ITPR2: variants seen among roughly 807,000 people sequenced by gnomAD.
The protein encoded by ITPR2 is inositol 1,4,5-trisphosphate-gated calcium channel ITPR2.
Under a neutral mutation model 317.1 loss-of-function variants are expected in ITPR2, and 207 were observed. The ratio of observed to expected loss-of-function variants is 0.65; its 90% CI spans 0.58 to 0.73. The LOEUF is 0.73. Ranked by LOEUF, ITPR2 falls within the 30% of genes least tolerant of loss-of-function variation. The pLI is 0.00. For synonymous variants in ITPR2, 1,156 were observed against 1,149.1 expected, an observed-to-expected ratio of 1.01 and a Z score of -0.12; for missense variants, 2,613 against 3,284.0, an observed-to-expected ratio of 0.80 and a Z score of 4.99.
intron 52 of ITPR2, among the ~76,000 whole-genome samples, chr12:26,410,039 G>C (rs2136668234): frequency 6.6e-6 from 1 of 152,292 alleles, no homozygotes; most frequent in Non-Finnish European, 1.5e-5. Flanking sequence ...TCAAGAGTGT[G>C]ATGTGGTTCT....
At chr12:26,696,110 TG>T (rs1301370142) in intron 9 of ITPR2, among the ~76,000 whole-genome samples, 1 of 152,160 alleles carries the variant, frequency 6.6e-6, no homozygotes, top group African/African-American at 2.4e-5. Flanking sequence ...ATATAAGATA[TG>T]TGAGCAAATA....
At position 26,569,533 on chromosome 12, in the gene ITPR2, C is replaced by T. The variant is rs553743707; in HGVS notation, c.4631-7581G>A. Among the ~76,000 whole-genome samples the T allele has an allele frequency of 6.6e-4, 92 of 138,360 alleles. 1 individual carries two copies. In the East Asian group the frequency reaches 0.016, roughly 24 times the overall value. 90.8% of individuals were successfully genotyped at this position (138,360 alleles called of 152,430 possible). A position where few individuals can be genotyped will look rare whatever the true frequency, so the allele number is the denominator to read the frequency against. On this transcript the variant is annotated intron_variant, in intron 34 of 56. Coordinates refer to ENST00000381340, the MANE Select transcript of ITPR2 (RefSeq NM_002223.4). ...TCATGCCACTGCACTCCACCCTGGGCGACAGAGCAAGACTCTGTCTCAAAA... is the reference window on the plus strand; with the variant it reads ...TCATGCCACTGCACTCCACCCTGGGTGACAGAGCAAGACTCTGTCTCAAAA...
chr12:26,823,286 T>C (rs955484410), intron 1 of ITPR2, among the ~76,000 whole-genome samples: 1 of 152,174 alleles, frequency 6.6e-6, no homozygotes, highest in African/African-American at 2.4e-5. Context: ...ACCAGCAATT[T>C]TGTCAGGTGC....
chr12:26,830,730 G>C (rs1362924476), intron 1 of ITPR2, among the ~76,000 whole-genome samples: 1 of 152,118 alleles, frequency 6.6e-6, no homozygotes, highest in African/African-American at 2.4e-5. Context: ...TCTTTGTCTA[G>C]GTTTTATACT....
At chr12:26,752,891 C>T (rs10771298) in intron 2 of ITPR2, among the ~76,000 whole-genome samples, 146,651 of 152,054 alleles carry the variant, frequency 0.96, 70,796 homozygotes, top group East Asian at 1. Flanking sequence ...CTGGTGACCA[C>T]GGAAGCAACT....
intron 2 of ITPR2, among the ~76,000 whole-genome samples, chr12:26,758,861 T>C (rs73080608): frequency 1.7e-4 from 26 of 152,298 alleles, no homozygotes; most frequent in Middle Eastern, 6.8e-3. Context: ...CCAAAGGAAA[T>C]ATAAATGGAA....
chr12:26,657,951 A>C, intron 17 of ITPR2, 59 bp from the exon 18 acceptor site: 1 of 1,603,118 alleles, frequency 6.2e-7, no homozygotes, highest in Non-Finnish European at 8.5e-7. Flanking sequence ...AATATGACAA[A>C]GAATTACAGT....
intron 22 of ITPR2, 138 bp from the exon 23 acceptor site, chr12:26,628,300 CAT>C (rs1167615728): frequency 3.4e-6 from 2 of 581,438 alleles, no homozygotes; most frequent in Non-Finnish European, 5.8e-6. Context: ...CCAGTTGCCA[CAT>C]GTTTGTCAGC....
At chr12:26,577,273 T>G (rs73087288) in intron 34 of ITPR2, among the ~76,000 whole-genome samples, 18,792 of 152,232 alleles carry the variant, frequency 0.12, 1,480 homozygotes, top group Non-Finnish European at 0.17. Flanking sequence ...AGCATCCTTG[T>G]GGGGTGTGGC....
chr12:26,714,441 G>A (rs555258456), intron 8 of ITPR2, among the ~76,000 whole-genome samples: 48 of 152,152 alleles, frequency 3.2e-4, no homozygotes, highest in Non-Finnish European at 5.9e-4. Flanking sequence ...CTTTTAGATA[G>A]TCATTCTCAT....
At chr12:26,592,958 A>G (rs1257617493) in intron 32 of ITPR2, among the ~76,000 whole-genome samples, 1 of 152,232 alleles carries the variant, frequency 6.6e-6, no homozygotes, top group Non-Finnish European at 1.5e-5. Context: ...TTTTATACAC[A>G]TTATCTCATT....
chr12:26,759,892 C>T (rs1949598803), intron 2 of ITPR2, among the ~76,000 whole-genome samples: 1 of 152,186 alleles, frequency 6.6e-6, no homozygotes, highest in Admixed American at 6.5e-5. Flanking sequence ...AAACAACTCT[C>T]AGCATTTCAA....
chr12:26,493,806 C>T (rs763715471), intron 39 of ITPR2, among the ~76,000 whole-genome samples: 3 of 152,258 alleles, frequency 2.0e-5, no homozygotes, highest in East Asian at 3.9e-4. Flanking sequence ...TTTTGGGTGT[C>T]GTCAACCCTA....
chr12:26,469,505 C>T (rs1454162631), intron 45 of ITPR2, among the ~76,000 whole-genome samples: 1 of 152,154 alleles, frequency 6.6e-6, no homozygotes, highest in East Asian at 1.9e-4. Flanking sequence ...CCAGAAAACC[C>T]TCCAGATCAA....
intron 26 of ITPR2, among the ~76,000 whole-genome samples, chr12:26,618,675 G>A (rs371084956): frequency 1.3e-5 from 2 of 152,328 alleles, no homozygotes; most frequent in Middle Eastern, 3.4e-3. Context: ...CCAAACATGT[G>A]CACCAGGTGA....
intron 12 of ITPR2, 70 bp downstream of exon 12, chr12:26,682,504 C>G (rs1395757984): frequency 1.1e-5 from 10 of 931,022 alleles, no homozygotes; most frequent in Non-Finnish European, 1.7e-5. Context: ...ATGTGTCACA[C>G]AGCATTCCTA....
chr12:26,738,271 TAGAA>T (rs1405520096), intron 2 of ITPR2, among the ~76,000 whole-genome samples: 1 of 152,144 alleles, frequency 6.6e-6, no homozygotes, highest in Non-Finnish European at 1.5e-5. Flanking sequence ...ACACTAAAGA[TAGAA>T]AGGACATAAC....
chr12:26,458,934 G>C (rs900504632), intron 45 of ITPR2, among the ~76,000 whole-genome samples: 8 of 152,212 alleles, frequency 5.3e-5, no homozygotes, highest in Admixed American at 2.0e-4. Context: ...CACAGTTGCT[G>C]TGATCCCATA....
chr12:26,612,183 C>T (rs1946282995), intron 26 of ITPR2, among the ~76,000 whole-genome samples: 1 of 152,066 alleles, frequency 6.6e-6, no homozygotes, highest in Middle Eastern at 3.2e-3. Context: ...CAGAGTATAC[C>T]AAATTTACCA....
Sources: allele counts gnomAD v4.1 joint callset (sites outside exome capture counted in the v4.1 genomes callset), GRCh38; gene constraint gnomAD v4.1.1; transcripts MANE v1.5; gene names NCBI Gene and HGNC (gene_info 2026-07-23, HGNC 2026-07-21).